MBNL3: variants seen among roughly 807,000 people sequenced by gnomAD.
MBNL3 encodes the protein muscleblind like splicing regulator 3.
In MBNL3, 6 loss-of-function variants were observed where a neutral mutation model predicts 24.5. The observed-to-expected ratio is 0.25, with a 90% confidence interval of 0.13 to 0.48. The LOEUF is 0.48. Ranked by LOEUF, MBNL3 falls within the 20% of genes least tolerant of loss-of-function variation. The pLI, the probability that MBNL3 is intolerant of heterozygous loss-of-function variation, is 0.99. For synonymous variants in MBNL3, 100 were observed against 101.7 expected (o/e 0.98, Z 0.10); for missense variants, 230 against 293.5 (o/e 0.78, Z 1.58).
chrX:132,406,506 T>C (rs925059310), intron 2 of MBNL3, 114 bp from the exon 3 acceptor site: 6 of 678,622 alleles, frequency 8.8e-6, no homozygotes, highest in Non-Finnish European at 1.3e-5. Context: ...CTTGAATCCA[T>C]ATAAGGCGAG....
intron 2 of MBNL3, among the ~76,000 whole-genome samples, chrX:132,419,234 T>C (rs1943573136): frequency 1.8e-5 from 2 of 112,072 alleles, no homozygotes; most frequent in Admixed American, 1.9e-4. Flanking sequence ...AGGAGTTGGG[T>C]CATGAGGGCT....
chrX:132,415,876 T>C (rs1215565130), intron 2 of MBNL3, among the ~76,000 whole-genome samples: 1 of 111,706 alleles, frequency 9.0e-6, no homozygotes, highest in East Asian at 2.8e-4. Context: ...ATACATTTCA[T>C]CACCAAAAGT....
At chrX:132,462,206 A>G (rs1189219486) in intron 1 of MBNL3, among the ~76,000 whole-genome samples, 2 of 110,936 alleles carry the variant, frequency 1.8e-5, no homozygotes, top group Non-Finnish European at 3.8e-5. Context: ...CCCAATCTCA[A>G]TCTCTCTCTC....
intron 1 of MBNL3, among the ~76,000 whole-genome samples, chrX:132,477,704 C>T (rs1947513073): frequency 9.0e-6 from 1 of 111,564 alleles, no homozygotes. Context: ...TAATGGGTTG[C>T]ATTCAGTAGT....
At chrX:132,454,745 C>T (rs970786307) in intron 1 of MBNL3, among the ~76,000 whole-genome samples, 3 of 111,886 alleles carry the variant, frequency 2.7e-5, no homozygotes, top group African/African-American at 9.7e-5. Context: ...ATATCACACA[C>T]GACTGAAATA....
In MBNL3 at chrX:132,390,007, A is replaced by G. The variant is rs748491213; in HGVS notation, c.771+840T>C. On this transcript the variant is annotated intron_variant, in intron 5 of 8. Transcript: ENST00000370853. ...CAGAAGTTCAAGACCAGCCTGGCCA[A>G]CATGGTGAAACCCGGCCTCTATAAA... is the stretch of plus-strand genomic sequence containing the variant. 3.7e-5 allele frequency among the ~76,000 whole-genome samples: 4 copies of G among 109,292 alleles called. No individual in the cohort carries two copies. In the East Asian group the frequency reaches 1.1e-3, roughly 31 times the overall value. 94.9% of individuals were successfully genotyped at this position (109,292 alleles called of 115,157 possible).
At chrX:132,478,965 C>T in intron 1 of MBNL3, among the ~76,000 whole-genome samples, 1 of 112,114 alleles carries the variant, frequency 8.9e-6, no homozygotes, top group Non-Finnish European at 1.9e-5. Context: ...ATAATAATGT[C>T]CGGGCCCGGC....
At chrX:132,433,722 C>T (rs1443607376) in intron 2 of MBNL3, among the ~76,000 whole-genome samples, 4 of 112,015 alleles carry the variant, frequency 3.6e-5, no homozygotes, top group African/African-American at 9.7e-5. Flanking sequence ...CAGCATGATA[C>T]ACAGAGCCCC....
chrX:132,420,278 G>A (rs1396925134), intron 2 of MBNL3, among the ~76,000 whole-genome samples: 1 of 112,153 alleles, frequency 8.9e-6, no homozygotes, highest in Non-Finnish European at 1.9e-5. Context: ...TGGGTGCCTC[G>A]CTGGATCAGG....
intron 2 of MBNL3, among the ~76,000 whole-genome samples, chrX:132,412,657 A>C (rs1942895473): frequency 8.9e-6 from 1 of 112,553 alleles, no homozygotes; most frequent in Non-Finnish European, 1.9e-5. Flanking sequence ...GAAGTTGTTC[A>C]CAGTGAAAGC....
At chrX:132,407,103 T>C (rs1448161758) in intron 2 of MBNL3, among the ~76,000 whole-genome samples, 1 of 112,304 alleles carries the variant, frequency 8.9e-6, no homozygotes, top group Non-Finnish European at 1.9e-5. Context: ...GTTCACCAAG[T>C]GTTTTCATTC....
At position 132,374,519 on chromosome X, in the gene MBNL3, C is replaced by G. The variant is rs1448712384; in HGVS notation, c.*5147G>C. 9.0e-6 allele frequency: 1 copy of G among 111,308 alleles called. No individual in the cohort carries two copies. The highest frequency in any genetic ancestry group is 1.9e-5 in the Non-Finnish European group (1 of 52,868). The allele number at this position is 111,308 out of a possible 1,213,427, so 9.2% of individuals were successfully genotyped here. A position where few individuals can be genotyped will look rare whatever the true frequency, so the allele number is the denominator to read the frequency against. On this transcript the variant is annotated 3_prime_UTR_variant, in exon 9 of 9. Transcript: ENST00000370853. ...AAGCAACATTATGCTTTAGTTAAGT[C>G]TTAGAGCAAAAACACCCTCCTTTTC...
At chrX:132,408,492 G>T (rs1012366814) in intron 2 of MBNL3, among the ~76,000 whole-genome samples, 6 of 110,763 alleles carry the variant, frequency 5.4e-5, no homozygotes, top group Non-Finnish European at 1.1e-4. Context: ...AAAGAAAAAA[G>T]AATAATTGGA....
intron 4 of MBNL3, 44 bp downstream of exon 4, chrX:132,392,099 T>C: frequency 9.5e-7 from 1 of 1,055,457 alleles, no homozygotes; most frequent in Non-Finnish European, 1.3e-6. Context: ...ATGTGTAAGG[T>C]TAATATCTAT....
intron 1 of MBNL3, among the ~76,000 whole-genome samples, chrX:132,453,923 C>G (rs752429505): frequency 4.5e-5 from 5 of 110,451 alleles, no homozygotes; most frequent in Non-Finnish European, 7.6e-5. Context: ...GAAACCCCGT[C>G]TTCACTAAAA....
rs757045193 is a variant in MBNL3, at chrX:132,376,321, A to G, written c.*3345T>C. 8.9e-6 allele frequency: 1 copy of G among 112,141 alleles called. No homozygotes were observed. The allele number at this position is 112,141 out of a possible 1,213,427, so 9.2% of individuals were successfully genotyped here. A position where few individuals can be genotyped will look rare whatever the true frequency, so the allele number is the denominator to read the frequency against. ...CTTCAATTACAAAAGTAAATACTGT[A>G]TTTAAATAGCAATTTTATGAATCCA... On this transcript the variant is annotated 3_prime_UTR_variant, in exon 9 of 9. Transcript: ENST00000370853.
At chrX:132,454,694 G>A (rs1946283772) in intron 1 of MBNL3, among the ~76,000 whole-genome samples, 2 of 112,055 alleles carry the variant, frequency 1.8e-5, no homozygotes, top group African/African-American at 6.5e-5. Context: ...CTAACCCTTT[G>A]TGTCTCAACT....
rs1933956510 is a variant in MBNL3 at position 132,374,595 on chromosome X, A to T, written c.*5071T>A. ...ACTAACTTTTCCACTATTATCACAG[A>T]CTTCTTACATTTAAAAAAAGCTCCA... On this transcript the variant is annotated 3_prime_UTR_variant, in exon 9 of 9. Coordinates refer to ENST00000370853, the MANE Select transcript of MBNL3 (RefSeq NM_001386889.1). The T allele has an allele frequency of 9.0e-6, 1 of 111,203 alleles. No homozygotes were observed. Among genetic ancestry groups the T allele is most frequent in the African/African-American group, 3.3e-5 (1 of 30,625 alleles). The allele number at this position is 111,203 out of a possible 1,213,427, so 9.2% of individuals were successfully genotyped here.
chrX:132,476,229 A>G (rs930073067), intron 1 of MBNL3, among the ~76,000 whole-genome samples: 1 of 110,773 alleles, frequency 9.0e-6, no homozygotes, highest in African/African-American at 3.3e-5. Flanking sequence ...ACATGATTAT[A>G]TTTATTTTTA....
Sources: allele counts gnomAD v4.1 joint callset (sites outside exome capture counted in the v4.1 genomes callset), GRCh38; gene constraint gnomAD v4.1.1; transcripts MANE v1.5; gene names NCBI Gene and HGNC (gene_info 2026-07-23, HGNC 2026-07-21).